CCSER1: variants seen among roughly 807,000 people sequenced by gnomAD.
The protein encoded by CCSER1 is coiled-coil serine rich protein 1.
CCSER1 carries 41 observed loss-of-function variants against 82.0 expected under a neutral mutation model. The observed-to-expected ratio is 0.50, with a 90% confidence interval of 0.39 to 0.65. CCSER1 has a LOEUF of 0.65. Ranked by LOEUF, CCSER1 falls within the 30% of genes least tolerant of loss-of-function variation. CCSER1 has a pLI of 0.00. For missense variants in CCSER1, 1,119 were observed against 1,064.2 expected (o/e 1.05, Z -0.72); for synonymous variants, 414 against 383.9 (o/e 1.08, Z -0.92).
At chr4:90,208,616 C>T (rs1739377470) in intron 1 of CCSER1, among the ~76,000 whole-genome samples, 1 of 152,104 alleles carries the variant, frequency 6.6e-6, no homozygotes, top group South Asian at 2.1e-4. Context: ...ATGCTTGAAA[C>T]CCAGGTCCCT....
chr4:90,294,300 C>CTAGG lies in CCSER1; in HGVS notation c.-41-13943_-41-13940dup, dbSNP rs1175708260. Among the ~76,000 whole-genome samples, 15 of 152,046 alleles carry CTAGG rather than the reference C, an allele frequency of 9.9e-5. No homozygotes were observed. The East Asian group carries it at 2.7e-3, about 28-fold the overall frequency. On this transcript the variant is annotated intron_variant, in intron 1 of 10. Transcript: ENST00000509176. Reference sequence around the variant, plus strand: ...GCAGAGGCAGGAGGATAGCTTGAGCCTAGGATTTGAGACCTGCCTGGGCAA... The same window carrying CTAGG: ...GCAGAGGCAGGAGGATAGCTTGAGCCTAGGTAGGATTTGAGACCTGCCTGGGCAA...
chr4:90,836,525 C>T (rs1017421948), intron 8 of CCSER1, among the ~76,000 whole-genome samples: 1 of 152,080 alleles, frequency 6.6e-6, no homozygotes, highest in African/African-American at 2.4e-5. Context: ...GCTAAGAATA[C>T]CAGCAAAGGT....
chr4:90,228,163 G>A (rs1440070170), intron 1 of CCSER1, among the ~76,000 whole-genome samples: 3 of 121,614 alleles, frequency 2.5e-5, no homozygotes, highest in East Asian at 2.4e-4. Context: ...CTCCACCTCT[G>A]GGGGCAGGGC....
At position 91,599,225 on chromosome 4, in the gene CCSER1, T is replaced by C. The variant is rs1764723965; in HGVS notation, c.*168T>C. 4 of 814,394 alleles carry C rather than the reference T, an allele frequency of 4.9e-6. No individual in the cohort carries two copies. The highest frequency in any genetic ancestry group is 1.7e-5 in the African/African-American group (1 of 57,654). The allele number at this position is 814,394 out of a possible 1,614,324, so 50.4% of individuals were successfully genotyped here. On this transcript the variant is annotated 3_prime_UTR_variant, in exon 11 of 11. Coordinates refer to ENST00000509176, the MANE Select transcript of CCSER1 (RefSeq NM_001145065.2). ...TAAACAAAGACTTGTGGGTTTTTTT[T>C]TTCCAAGAGTGAAAGTTTGAGCATG...
intron 7 of CCSER1, among the ~76,000 whole-genome samples, chr4:90,754,868 G>A (rs903035056): frequency 6.6e-6 from 1 of 152,124 alleles, no homozygotes; most frequent in South Asian, 2.1e-4. Context: ...TAGGCAGTCT[G>A]GAGAGCATAG....
At chr4:90,812,826 C>A (rs1488796312) in intron 7 of CCSER1, among the ~76,000 whole-genome samples, 1 of 152,134 alleles carries the variant, frequency 6.6e-6, no homozygotes. Context: ...TTTAAGCCAT[C>A]AGATCTCATG....
At chr4:90,941,061 A>G (rs1371668743) in intron 9 of CCSER1, among the ~76,000 whole-genome samples, 4 of 152,234 alleles carry the variant, frequency 2.6e-5, no homozygotes, top group Non-Finnish European at 5.9e-5. Context: ...GATAATTGCA[A>G]TGGTAAACAC....
Position 90,442,185 on chromosome 4 carries a change from GA to G in CCSER1, c.1604-26048del, listed in dbSNP as rs374642879. Reference sequence around the variant, plus strand: ...CAACGAGGGGGGTCATCATTCTTAAGAGCTAAAATAAATTGGAAACTCAACA... The same window carrying G: ...CAACGAGGGGGGTCATCATTCTTAAGGCTAAAATAAATTGGAAACTCAACA... On this transcript the variant is annotated intron_variant, in intron 4 of 10. Coordinates refer to ENST00000509176, the MANE Select transcript of CCSER1 (RefSeq NM_001145065.2). Among the ~76,000 whole-genome samples, 1,413 of 152,138 alleles carry G rather than the reference GA, an allele frequency of 9.3e-3. 10 individuals are homozygous for G. The highest frequency in any genetic ancestry group is 0.022 in the South Asian group (105 of 4,816).
chr4:91,133,497 G>C (rs1581617370), intron 10 of CCSER1, among the ~76,000 whole-genome samples: 2 of 152,316 alleles, frequency 1.3e-5, no homozygotes, highest in South Asian at 4.1e-4. Context: ...TATGGAAGTA[G>C]TGAAGGTAGA....
intron 10 of CCSER1, among the ~76,000 whole-genome samples, chr4:91,294,927 A>T (rs1468222208): frequency 6.6e-6 from 1 of 151,910 alleles, no homozygotes; most frequent in East Asian, 1.9e-4. Context: ...TCAGAATTCA[A>T]ATTTCTTTTC....
intron 10 of CCSER1, among the ~76,000 whole-genome samples, chr4:91,148,365 G>A (rs938176177): frequency 6.6e-6 from 1 of 151,986 alleles, no homozygotes; most frequent in Non-Finnish European, 1.5e-5. Context: ...CTCTATTAAT[G>A]AGACAAACGG....
intron 5 of CCSER1, among the ~76,000 whole-genome samples, chr4:90,470,775 A>AC (rs1477105623): frequency 1.3e-5 from 2 of 150,882 alleles, no homozygotes; most frequent in South Asian, 2.1e-4. Flanking sequence ...AAAAAAAAAA[A>AC]AAAAAACAAA....
intron 9 of CCSER1, among the ~76,000 whole-genome samples, chr4:90,944,556 A>T (rs1057095855): frequency 1.3e-5 from 2 of 152,158 alleles, no homozygotes; most frequent in African/African-American, 4.8e-5. Flanking sequence ...TCTTTAGGAG[A>T]AGTTTTTTGG....
intron 10 of CCSER1, among the ~76,000 whole-genome samples, chr4:91,182,994 T>C (rs1455488159): frequency 6.6e-6 from 1 of 152,206 alleles, no homozygotes; most frequent in Non-Finnish European, 1.5e-5. Flanking sequence ...TGGGTTAAAT[T>C]GTGAAAGTGT....
chr4:90,436,868 G>T (rs1004635149), intron 4 of CCSER1, among the ~76,000 whole-genome samples: 2 of 150,878 alleles, frequency 1.3e-5, no homozygotes, highest in Non-Finnish European at 3.0e-5. Flanking sequence ...GTGCAGTGGC[G>T]CAATCTCAGC....
At chr4:90,132,769 G>A (rs774281654) in intron 1 of CCSER1, among the ~76,000 whole-genome samples, 4 of 152,106 alleles carry the variant, frequency 2.6e-5, no homozygotes, top group South Asian at 2.1e-4. Flanking sequence ...CTTAAAGCAC[G>A]GCTTTTGGTT....
chr4:90,317,226 G>A (rs1355326071), intron 3 of CCSER1, among the ~76,000 whole-genome samples: 1 of 152,084 alleles, frequency 6.6e-6, no homozygotes. Flanking sequence ...TGTGAGAGTA[G>A]ATTCATATAT....
intron 10 of CCSER1, among the ~76,000 whole-genome samples, chr4:91,161,486 C>A (rs62310691): frequency 0.046 from 6,986 of 152,148 alleles, 219 homozygotes; most frequent in African/African-American, 0.089. Flanking sequence ...CTATAAATTA[C>A]CTTGGGCAGT....
chr4:90,292,858 T>C (rs1010355769), intron 1 of CCSER1, among the ~76,000 whole-genome samples: 1 of 151,970 alleles, frequency 6.6e-6, no homozygotes, highest in Non-Finnish European at 1.5e-5. Context: ...TATTACTGAC[T>C]CTACACACAC....
Sources: gnomAD v4.1 joint callset for allele counts (sites outside exome capture counted in the v4.1 genomes callset) on GRCh38, gnomAD v4.1.1 for gene constraint, MANE v1.5 for transcripts, NCBI Gene and HGNC (gene_info 2026-07-23, HGNC 2026-07-21) for gene names.